Variants in METTL25 observed in about 807,000 individuals in gnomAD.
METTL25 encodes the protein methyltransferase like 25.
Under a neutral mutation model 71.6 loss-of-function variants are expected in METTL25, and 64 were observed. The observed-to-expected ratio is 0.89, with a 90% confidence interval of 0.73 to 1.10. The LOEUF is 1.10. Ranked by LOEUF, METTL25 falls within the 50% of genes least tolerant of loss-of-function variation. The pLI, the probability that METTL25 is intolerant of heterozygous loss-of-function variation, is 0.00. For missense variants in METTL25, 807 were observed against 707.0 expected (o/e 1.14, Z -1.60); for synonymous variants, 287 against 250.3 (o/e 1.15, Z -1.38).
intron 8 of METTL25, chr12:82,451,368 C>T (rs1891134961): frequency 4.8e-6 from 2 of 418,344 alleles, no homozygotes; most frequent in African/African-American, 2.2e-5. Flanking sequence ...CCAGTATCCC[C>T]ACTGCATCAT....
At chr12:82,438,141 A>G (rs1036246372) in intron 7 of METTL25, among the ~76,000 whole-genome samples, 5 of 151,742 alleles carry the variant, frequency 3.3e-5, no homozygotes, top group Admixed American at 1.3e-4. Flanking sequence ...TTTCTGCAAG[A>G]AGTGAAGCAT....
At chr12:82,457,191 TAAATTC>T (rs1891555908) in intron 9 of METTL25, among the ~76,000 whole-genome samples, 1 of 152,004 alleles carries the variant, frequency 6.6e-6, no homozygotes, top group South Asian at 2.1e-4. Flanking sequence ...TTAAAAATCT[TAAATTC>T]AAAAGCCTTC....
chr12:82,474,182 A>G (rs925711396), intron 9 of METTL25, among the ~76,000 whole-genome samples: 3 of 152,136 alleles, frequency 2.0e-5, no homozygotes, highest in Admixed American at 6.5e-5. Flanking sequence ...TGTGGTAGCA[A>G]TGGGGGCTGG....
chr12:82,420,157 C>CAA (rs1888353630), intron 5 of METTL25, among the ~76,000 whole-genome samples: 1 of 152,022 alleles, frequency 6.6e-6, no homozygotes, highest in South Asian at 2.1e-4. Context: ...CTAAAATAGT[C>CAA]AAACACAGAA....
intron 9 of METTL25, among the ~76,000 whole-genome samples, chr12:82,458,516 A>G (rs972707597): frequency 6.6e-6 from 1 of 152,136 alleles, no homozygotes; most frequent in African/African-American, 2.4e-5. Context: ...TTGGAGGCTC[A>G]GTGTGGACAA....
rs750315458 is a variant in METTL25, at chr12:82,430,952, T to A, written c.1339T>A (p.Cys447Ser). Residue 447 changes from cysteine (C) to serine (S), a missense_variant, in exon 6 of 12, where the codon TGC becomes AGC. Cys to Ser is a moderately radical substitution (Grantham distance 112). Coordinates refer to ENST00000248306, the MANE Select transcript of METTL25 (RefSeq NM_032230.3). ...MCHYLKEERW[C>S]CGRNARMSAC... ...CCACTATTTAAAGGAAGAGAGATGG[T>A]GCTGTGGTCGTAATGCCAGAATGTC... 1.9e-6 allele frequency: 3 copies of A among 1,602,068 alleles called. No homozygotes were observed. The Admixed American group carries it at 5.1e-5, about 27-fold the overall frequency.
intron 9 of METTL25, among the ~76,000 whole-genome samples, chr12:82,463,324 A>G (rs917695149): frequency 1.3e-5 from 2 of 152,078 alleles, no homozygotes; most frequent in African/African-American, 4.8e-5. Flanking sequence ...GAGTGAGAAT[A>G]TACTATGTTT....
intron 1 of METTL25, among the ~76,000 whole-genome samples, chr12:82,364,247 C>G (rs1882304443): frequency 6.6e-6 from 1 of 152,174 alleles, no homozygotes; most frequent in African/African-American, 2.4e-5. Flanking sequence ...ATATTTGCCT[C>G]TGTGATTATC....
intron 5 of METTL25, among the ~76,000 whole-genome samples, chr12:82,424,420 A>G (rs1888816819): frequency 6.6e-6 from 1 of 152,100 alleles, no homozygotes; most frequent in Admixed American, 6.6e-5. Flanking sequence ...TAGCATTAGG[A>G]GATATACCTA....
intron 9 of METTL25, among the ~76,000 whole-genome samples, 199 bp downstream of exon 9, chr12:82,457,019 C>T (rs1891542135): frequency 6.6e-6 from 1 of 151,898 alleles, no homozygotes; most frequent in Non-Finnish European, 1.5e-5. Context: ...TGTCATGTAT[C>T]TCCAGAGTTT....
chr12:82,408,340 C>T (rs1281415273), intron 5 of METTL25, among the ~76,000 whole-genome samples: 2 of 151,768 alleles, frequency 1.3e-5, no homozygotes, highest in Non-Finnish European at 2.9e-5. Context: ...CATCAAAGTC[C>T]AAAATGCAGA....
At chr12:82,363,422 TA>T (rs986005971) in intron 1 of METTL25, among the ~76,000 whole-genome samples, 1 of 152,132 alleles carries the variant, frequency 6.6e-6, no homozygotes. Context: ...CTTTGAATTG[TA>T]AAAAAAGGAA....
chr12:82,370,311 A>G (rs558030510), intron 1 of METTL25, among the ~76,000 whole-genome samples: 2 of 152,282 alleles, frequency 1.3e-5, no homozygotes, highest in African/African-American at 4.8e-5. Context: ...TTTGACAAGG[A>G]GGTTAAAAAT....
At chr12:82,420,896 C>T (rs1013190096) in intron 5 of METTL25, among the ~76,000 whole-genome samples, 1 of 151,764 alleles carries the variant, frequency 6.6e-6, no homozygotes, top group Admixed American at 6.6e-5. Context: ...CGTTCTGTCA[C>T]CCAGGCTGGA....
At chr12:82,407,784 GA>G in intron 5 of METTL25, 1 of 981,910 alleles carries the variant, frequency 1.0e-6, no homozygotes, top group African/African-American at 1.7e-5. Context: ...TAAGTGATAG[GA>G]ATAATGAAAG....
At chr12:82,366,836 T>C (rs1455580522) in intron 1 of METTL25, among the ~76,000 whole-genome samples, 1 of 152,208 alleles carries the variant, frequency 6.6e-6, no homozygotes, top group Non-Finnish European at 1.5e-5. Context: ...CCATTTTCTC[T>C]TTTTCAGTTT....
chr12:82,454,537 T>C (rs753901522), intron 8 of METTL25, among the ~76,000 whole-genome samples: 2 of 151,948 alleles, frequency 1.3e-5, no homozygotes, highest in Non-Finnish European at 2.9e-5. Context: ...ACAAAGGACT[T>C]AAAGAAAAAG....
At chr12:82,389,125 A>G (rs1195793895) in intron 2 of METTL25, among the ~76,000 whole-genome samples, 1 of 152,024 alleles carries the variant, frequency 6.6e-6, no homozygotes, top group African/African-American at 2.4e-5. Flanking sequence ...CTTTTTGGCC[A>G]TTTTAATATA....
At chr12:82,402,643 C>T (rs1391376887) in intron 4 of METTL25, among the ~76,000 whole-genome samples, 1 of 152,096 alleles carries the variant, frequency 6.6e-6, no homozygotes, top group Non-Finnish European at 1.5e-5. Flanking sequence ...AACAGCTTTA[C>T]ATATTTTAAT....
Sources: allele counts gnomAD v4.1 joint callset (sites outside exome capture counted in the v4.1 genomes callset), GRCh38; gene constraint gnomAD v4.1.1; transcripts MANE v1.5; gene names NCBI Gene and HGNC (gene_info 2026-07-23, HGNC 2026-07-21).